HTN3: variants seen among roughly 807,000 people sequenced by gnomAD.
The protein encoded by HTN3 is histatin-3.
In HTN3, 15 loss-of-function variants were observed where a neutral mutation model predicts 10.6. That is an observed-to-expected ratio of 1.42 (90% CI 0.95 to 2.18). HTN3 has a LOEUF of 2.18. Ranked by LOEUF, HTN3 falls within the 30% of genes most tolerant of loss-of-function variation. HTN3 has a pLI of 0.00. For synonymous variants in HTN3, 15 were observed against 16.9 expected, an observed-to-expected ratio of 0.89 and a Z score of 0.27; for missense variants, 68 against 58.0, an observed-to-expected ratio of 1.17 and a Z score of -0.56.
At chr4:70,035,171 A>G (rs150421095) in intron 5 of HTN3, among the ~76,000 whole-genome samples, 2,129 of 152,306 alleles carry the variant, frequency 0.014, 51 homozygotes, top group African/African-American at 0.049. Flanking sequence ...AAAATAAATC[A>G]TAAAATAAAA....
At chr4:70,035,446 C>T (rs1725490129) in intron 5 of HTN3, among the ~76,000 whole-genome samples, 1 of 152,140 alleles carries the variant, frequency 6.6e-6, no homozygotes, top group Non-Finnish European at 1.5e-5. Flanking sequence ...CCATGGGTTT[C>T]TCTGCCACTA....
intron 5 of HTN3, among the ~76,000 whole-genome samples, chr4:70,035,144 A>G (rs1725483975): frequency 6.6e-6 from 1 of 152,202 alleles, no homozygotes. Context: ...CTGCACATGT[A>G]TCCCTGAACT....
At position 70,032,014 on chromosome 4, in the gene HTN3, T is replaced by C. The variant is rs1560426754; in HGVS notation, c.72+15T>C. The C allele has an allele frequency of 1.9e-6, 3 of 1,568,808 alleles. No homozygotes were observed. The highest frequency in any genetic ancestry group is 2.6e-6 in the Non-Finnish European group (3 of 1,143,228). On this transcript the variant is annotated intron_variant, in intron 3 of 5. Coordinates refer to ENST00000673563, the MANE Select transcript of HTN3 (RefSeq NM_000200.3). ...CACATGCAAAGGTAAGACATTTTCA[T>C]TTACTGGAAAACTTGATAATTAATC... is the stretch of plus-strand genomic sequence containing the variant.
At chr4:70,029,372 T>C (rs570537451) in intron 1 of HTN3, among the ~76,000 whole-genome samples, 1 of 152,112 alleles carries the variant, frequency 6.6e-6, no homozygotes, top group African/African-American at 2.4e-5. Flanking sequence ...ATACAAGAAG[T>C]TTCCATTTAA....
Position 70,033,159 on chromosome 4 carries a change from G to C in HTN3, c.103-8G>C. The C allele has an allele frequency of 6.2e-7, 1 of 1,601,520 alleles. No individual in the cohort carries two copies. ...TGCAATTTGCTCTCTCCTTTTGTGTGTATGCAGGAAAAGCATCATTCACAT... is the reference window on the plus strand; with the variant it reads ...TGCAATTTGCTCTCTCCTTTTGTGTCTATGCAGGAAAAGCATCATTCACAT... On this transcript the variant is annotated splice_region_variant and splice_polypyrimidine_tract_variant and intron_variant, in intron 4 of 5. Coordinates refer to ENST00000673563, the MANE Select transcript of HTN3 (RefSeq NM_000200.3).
chr4:70,033,797 T>A (rs1034679243), intron 5 of HTN3: 1 of 152,196 alleles, frequency 6.6e-6, no homozygotes, highest in Non-Finnish European at 1.5e-5. Flanking sequence ...GAGCAGTGAT[T>A]TTTGGTTCTC....
chr4:70,033,114 CT>C, intron 4 of HTN3, 52 bp from the exon 5 acceptor site: 1 of 1,314,630 alleles, frequency 7.6e-7, no homozygotes, highest in Non-Finnish European at 1.1e-6. Context: ...AGCATTTTTA[CT>C]GTCATTGCCT....
intron 1 of HTN3, among the ~76,000 whole-genome samples, chr4:70,030,220 C>G (rs1725348911): frequency 6.6e-6 from 1 of 152,128 alleles, no homozygotes; most frequent in Non-Finnish European, 1.5e-5. Flanking sequence ...CCAACTCAAG[C>G]TTGCCTTTCT....
chr4:70,034,400 AT>A (rs1482926866), intron 5 of HTN3: 2 of 152,350 alleles, frequency 1.3e-5, no homozygotes, highest in East Asian at 3.9e-4. Context: ...GACAAAGGAT[AT>A]GAACAGACAC....
intron 2 of HTN3, 68 bp from the exon 3 acceptor site, chr4:70,031,911 T>C: frequency 1.7e-6 from 2 of 1,147,236 alleles, no homozygotes; most frequent in Admixed American, 3.8e-5. Context: ...GCTAAGTCAA[T>C]TTTTACACAT....
intron 5 of HTN3, among the ~76,000 whole-genome samples, chr4:70,034,704 T>C (rs1413764834): frequency 1.3e-5 from 2 of 152,184 alleles, no homozygotes; most frequent in African/African-American, 4.8e-5. Flanking sequence ...ACTGGGTATA[T>C]ACCCAAAAGA....
chr4:70,029,719 AAC>A (rs199681235), intron 1 of HTN3, among the ~76,000 whole-genome samples: 10,693 of 152,188 alleles, frequency 0.07, 1,267 homozygotes, highest in African/African-American at 0.25. Flanking sequence ...TCAGCCGAAG[AAC>A]TGGATTCACT....
chr4:70,030,084 A>G (rs2109706403), intron 1 of HTN3, among the ~76,000 whole-genome samples: 1 of 152,204 alleles, frequency 6.6e-6, no homozygotes, highest in East Asian at 1.9e-4. Flanking sequence ...CAACAACCTA[A>G]GTGGTCATCT....
intron 5 of HTN3, among the ~76,000 whole-genome samples, chr4:70,034,963 G>A (rs1725478648): frequency 1.3e-5 from 2 of 152,184 alleles, no homozygotes; most frequent in South Asian, 2.1e-4. Context: ...AAACCAAACA[G>A]CACATGCTTC....
At chr4:70,030,458 T>C (rs1481704366) in intron 1 of HTN3, among the ~76,000 whole-genome samples, 1 of 152,042 alleles carries the variant, frequency 6.6e-6, no homozygotes, top group Non-Finnish European at 1.5e-5. Flanking sequence ...AGACTAAAAA[T>C]ATTCTCTACC....
intron 5 of HTN3, among the ~76,000 whole-genome samples, chr4:70,035,623 G>C (rs1725497803): frequency 6.6e-6 from 1 of 152,066 alleles, no homozygotes; most frequent in South Asian, 2.1e-4. Context: ...CAAGGAGATG[G>C]GAATTTTCAA....
intron 4 of HTN3, among the ~76,000 whole-genome samples, chr4:70,032,567 T>C (rs536801928): frequency 4.2e-4 from 64 of 152,098 alleles, no homozygotes; most frequent in Non-Finnish European, 7.8e-4. Context: ...AACATTTTTC[T>C]AAATGTATGT....
At chr4:70,031,526 C>T (rs1050334341) in intron 2 of HTN3, 1 of 154,354 alleles carries the variant, frequency 6.5e-6, no homozygotes, top group African/African-American at 2.4e-5. Context: ...CAGTTTATCA[C>T]ATGATTTTAT....
At chr4:70,029,692 C>T (rs1480768311) in intron 1 of HTN3, among the ~76,000 whole-genome samples, 3 of 151,442 alleles carry the variant, frequency 2.0e-5, no homozygotes, top group South Asian at 2.1e-4. Flanking sequence ...ATAAGTAATC[C>T]GCTTTACTTT....
Sources: gnomAD v4.1 joint callset for allele counts (sites outside exome capture counted in the v4.1 genomes callset) on GRCh38, gnomAD v4.1.1 for gene constraint, MANE v1.5 for transcripts, NCBI Gene and HGNC (gene_info 2026-07-23, HGNC 2026-07-21) for gene names.